The following PTCD3 variants were observed in gnomAD, a reference collection of about 807,000 sequenced individuals.
PTCD3 encodes small ribosomal subunit protein mS39.
In PTCD3, 89 loss-of-function variants were observed where a neutral mutation model predicts 101.9. The ratio of observed to expected loss-of-function variants is 0.87; its 90% CI spans 0.74 to 1.04. The LOEUF (loss-of-function observed/expected upper bound fraction) is 1.04. PTCD3 is among the 50% of genes least tolerant of loss of function. The probability of loss-of-function intolerance (pLI) is 0.00; values close to 1 mark genes in which losing one functional copy is unlikely to be tolerated. For missense variants in PTCD3, 870 were observed against 828.2 expected (o/e 1.05, Z -0.62); for synonymous variants, 296 against 278.5 (o/e 1.06, Z -0.63).
At chr2:86,113,000 G>T (rs1000208638) in intron 4 of PTCD3, among the ~76,000 whole-genome samples, 1 of 152,128 alleles carries the variant, frequency 6.6e-6, no homozygotes, top group South Asian at 2.1e-4. Context: ...GAGCCTACTG[G>T]TTTGTTTTAA....
At position 86,111,247 on chromosome 2, in the gene PTCD3, C is replaced by T. The variant is rs895914307; in HGVS notation, c.240+89C>T. The T allele has an allele frequency of 8.8e-6, 10 of 1,131,394 alleles. No individual in the cohort carries two copies. In the African/African-American group the frequency reaches 1.2e-4, roughly 14 times the overall value. The allele number at this position is 1,131,394 out of a possible 1,614,324, so 70.1% of individuals were successfully genotyped here. A position where few individuals can be genotyped will look rare whatever the true frequency, so the allele number is the denominator to read the frequency against. ...GCTAATAACACATTTAATACTCATA[C>T]CTCGTCATTACTCAGAATTAAACTG... On this transcript the variant is annotated intron_variant, in intron 4 of 23. Coordinates refer to ENST00000254630, the MANE Select transcript of PTCD3 (RefSeq NM_017952.6).
In PTCD3 at chr2:86,137,767, T is replaced by A; in HGVS notation, c.*208T>A. On this transcript the variant is annotated 3_prime_UTR_variant, in exon 24 of 24. Coordinates refer to ENST00000254630, the MANE Select transcript of PTCD3 (RefSeq NM_017952.6). Reference sequence around the variant, plus strand: ...ACTTAACCATCTATTAATGCACCATTAAAGGCTTAGCATTTAAGTAGCAAC... The same window carrying A: ...ACTTAACCATCTATTAATGCACCATAAAAGGCTTAGCATTTAAGTAGCAAC... 1.7e-6 allele frequency: 1 copy of A among 594,446 alleles called. No individual in the cohort carries two copies. Among genetic ancestry groups the A allele is most frequent in the Non-Finnish European group, 2.8e-6 (1 of 359,066 alleles). 36.8% of individuals were successfully genotyped at this position (594,446 alleles called of 1,614,324 possible).
At chr2:86,113,224 A>G (rs1259842831) in intron 4 of PTCD3, among the ~76,000 whole-genome samples, 1 of 152,196 alleles carries the variant, frequency 6.6e-6, no homozygotes, top group East Asian at 1.9e-4. Context: ...CTACTACTGT[A>G]TTGTTGATTT....
intron 6 of PTCD3, 145 bp from the exon 7 acceptor site, chr2:86,118,776 G>A: frequency 1.2e-6 from 1 of 846,350 alleles, no homozygotes; most frequent in Non-Finnish European, 1.8e-6. Context: ...ATGTTAAAAT[G>A]ATCAGTAGTA....
chr2:86,141,550 G>T lies in PTCD3; in HGVS notation c.*3991G>T, dbSNP rs1184245425. ...TTTAAATACAAAGGAATATGAAGGT[G>T]GTGTGCCTTAAAGACAGTCTAAAAT... is the stretch of plus-strand genomic sequence containing the variant. On this transcript the variant is annotated 3_prime_UTR_variant, in exon 24 of 24. Transcript: ENST00000254630. 1 of 152,112 alleles carries T rather than the reference G, an allele frequency of 6.6e-6. No homozygotes were observed. The highest frequency in any genetic ancestry group is 2.4e-5 in the African/African-American group (1 of 41,406). 9.4% of individuals were successfully genotyped at this position (152,112 alleles called of 1,614,324 possible).
chr2:86,134,360 G>A lies in PTCD3; in HGVS notation c.1612G>A (p.Asp538Asn). The change falls in exon 20 of 24, where the codon GAC becomes AAC. Residue 538 changes from aspartate to asparagine, a missense_variant. Transcript: ENST00000254630. Reference sequence around the variant, plus strand: ...AGAGATCCTGATGCTCATGGCAAGGGACAAGCACCCACCAGAGGTAGGCCT... The same window carrying A: ...AGAGATCCTGATGCTCATGGCAAGGAACAAGCACCCACCAGAGGTAGGCCT... The part of the protein sequence containing the change: ...REEILMLMAR[D>N]KHPPELQVAF... The A allele has an allele frequency of 6.2e-7, 1 of 1,612,830 alleles. No individual in the cohort carries two copies. The highest frequency in any genetic ancestry group is 8.5e-7 in the Non-Finnish European group (1 of 1,178,854).
At chr2:86,119,074 T>C (rs1241815461) in intron 7 of PTCD3, 30 bp downstream of exon 7, 1 of 1,610,104 alleles carries the variant, frequency 6.2e-7, no homozygotes, top group East Asian at 2.2e-5. Flanking sequence ...GCCCCTCTAA[T>C]AACATGGGCT....
At chr2:86,136,240 A>T (rs899505350) in intron 21 of PTCD3, among the ~76,000 whole-genome samples, 1 of 152,228 alleles carries the variant, frequency 6.6e-6, no homozygotes, top group African/African-American at 2.4e-5. Context: ...TTGGATTAGG[A>T]ATATTCAACC....
At position 86,106,246 on chromosome 2, in the gene PTCD3, AG is replaced by A; in HGVS notation, c.-1del. 1 of 1,613,922 alleles carries A rather than the reference AG, an allele frequency of 6.2e-7. No homozygotes were observed. Among genetic ancestry groups the A allele is most frequent in the Non-Finnish European group, 8.5e-7 (1 of 1,179,900 alleles). On this transcript the variant is annotated 5_prime_UTR_variant, in exon 1 of 24. Coordinates refer to ENST00000254630, the MANE Select transcript of PTCD3 (RefSeq NM_017952.6). ...CCAACATGCTCTGCAGAGAAATCAA[AG>A]ATGGCGGTTGTATCTGCTGTTCGCT... is the stretch of plus-strand genomic sequence containing the variant.
chr2:86,132,092 A>G (rs1237534117), intron 16 of PTCD3, among the ~76,000 whole-genome samples: 1 of 152,220 alleles, frequency 6.6e-6, no homozygotes, highest in Non-Finnish European at 1.5e-5. Context: ...AGGTGTTGTT[A>G]CAGGATTAAT....
chr2:86,131,210 C>A, intron 16 of PTCD3, 104 bp downstream of exon 16: 4 of 853,524 alleles, frequency 4.7e-6, no homozygotes, highest in South Asian at 1.8e-5. Flanking sequence ...CTGTTCATGT[C>A]TTTGCTTCTG....
chr2:86,132,421 A>G lies in PTCD3; in HGVS notation c.1370A>G (p.Tyr457Cys), dbSNP rs148378080. 7 of 1,574,594 alleles carry G rather than the reference A, an allele frequency of 4.4e-6. No homozygotes were observed. In the African/African-American group the frequency reaches 5.4e-5, roughly 12 times the overall value. The change falls in exon 17 of 24, where the codon TAT (tyrosine) becomes TGT (cysteine). Residue 457 changes from tyrosine to cysteine, a missense_variant. Tyr to Cys is a radical substitution (Grantham distance 194). Coordinates refer to ENST00000254630, the MANE Select transcript of PTCD3 (RefSeq NM_017952.6). ...FIGPDQHRNF[Y>C]YSKFFDLICL... Reference sequence around the variant, plus strand: ...GGACCTGATCAACATCGTAATTTCTATTAGTAAGTGTGTTGGAAACATATC... The same window carrying G: ...GGACCTGATCAACATCGTAATTTCTGTTAGTAAGTGTGTTGGAAACATATC...
chr2:86,137,161 A>G, intron 23 of PTCD3, 21 bp downstream of exon 23: 1 of 1,550,218 alleles, frequency 6.5e-7, no homozygotes, highest in East Asian at 2.3e-5. Flanking sequence ...ACCATGAAGC[A>G]TAGTTTGTAA....
At position 86,119,339 on chromosome 2, in the gene PTCD3, C is replaced by T. The variant is rs189110420; in HGVS notation, c.538+295C>T. Among the ~76,000 whole-genome samples the T allele has an allele frequency of 4.0e-5, 6 of 148,246 alleles. No homozygotes were observed. The East Asian group carries it at 1.2e-3, about 29-fold the overall frequency. On this transcript the variant is annotated intron_variant, in intron 7 of 23. Transcript: ENST00000254630. ...ATGTTAGGTAGGTATGCAGTGCTCCCAGATTTCCTGTACCCTTTTCCTTTT... is the reference window on the plus strand; with the variant it reads ...ATGTTAGGTAGGTATGCAGTGCTCCTAGATTTCCTGTACCCTTTTCCTTTT...
In PTCD3 at chr2:86,138,587, G is replaced by A. The variant is rs888463832; in HGVS notation, c.*1028G>A. 1.3e-5 allele frequency: 2 copies of A among 151,644 alleles called. No homozygotes were observed. Among genetic ancestry groups the A allele is most frequent in the African/African-American group, 2.4e-5 (1 of 41,250 alleles). 9.4% of individuals were successfully genotyped at this position (151,644 alleles called of 1,614,324 possible). A position where few individuals can be genotyped will look rare whatever the true frequency, so the allele number is the denominator to read the frequency against. ...CCCATCTGTCTGCCATCCTCTGAAG[G>A]CCGGGACCCAGTCATACATCCTTAG... On this transcript the variant is annotated 3_prime_UTR_variant, in exon 24 of 24. Transcript: ENST00000254630.
At chr2:86,121,972 G>A (rs1232189297) in intron 8 of PTCD3, among the ~76,000 whole-genome samples, 1 of 152,172 alleles carries the variant, frequency 6.6e-6, no homozygotes, top group African/African-American at 2.4e-5. Context: ...ACACTAGGCT[G>A]GAGACAGAAC....
At position 86,111,157 on chromosome 2, in the gene PTCD3, G is replaced by C. The variant is rs142907766; in HGVS notation, c.239G>C (p.Arg80Thr). ...CAGGCACTTGCATCCACAGTAAACA[G>C]GGTAAGTAGGATTTTGTGTTTTTTT... is the stretch of plus-strand genomic sequence containing the variant. ...VLQALASTVNRDTTAVPYVFQ... is the reference protein window; with the variant it reads ...VLQALASTVNTDTTAVPYVFQ... Residue 80 changes from arginine to threonine, a missense_variant and splice_region_variant, in exon 4 of 24, where the codon AGG becomes ACG. Transcript: ENST00000254630. The C allele has an allele frequency of 3.1e-6, 5 of 1,612,276 alleles. No homozygotes were observed. The African/African-American group carries it at 6.7e-5, about 22-fold the overall frequency.
At chr2:86,108,822 C>A in intron 3 of PTCD3, 1 of 310,542 alleles carries the variant, frequency 3.2e-6, no homozygotes, top group Non-Finnish European at 5.9e-6. Context: ...ACATGAACAT[C>A]ATCATTAGAA....
chr2:86,121,344 A>C (rs772852800), intron 7 of PTCD3, 135 bp from the exon 8 acceptor site: 4 of 528,598 alleles, frequency 7.6e-6, no homozygotes, highest in Admixed American at 7.2e-5. Context: ...CGTTGAGTGC[A>C]TAAAGTAGTG....
Sources: allele counts gnomAD v4.1 joint callset (sites outside exome capture counted in the v4.1 genomes callset), GRCh38; gene constraint gnomAD v4.1.1; transcripts MANE v1.5; gene names NCBI Gene and HGNC (gene_info 2026-07-23, HGNC 2026-07-21).